The following MAP4K5 variants were observed in gnomAD, a reference collection of about 807,000 sequenced individuals.
MAP4K5 encodes the protein mitogen-activated protein kinase kinase kinase kinase 5.
In MAP4K5, 82 loss-of-function variants were observed where a neutral mutation model predicts 135.6. The ratio of observed to expected loss-of-function variants is 0.60; its 90% CI spans 0.51 to 0.73. The LOEUF (loss-of-function observed/expected upper bound fraction) is 0.73, where lower values mean the gene tolerates loss of function less well. Ranked by LOEUF, MAP4K5 falls within the 30% of genes least tolerant of loss-of-function variation. The pLI is 0.00. For missense variants in MAP4K5, 907 were observed against 1,010.9 expected (o/e 0.90, Z 1.39); for synonymous variants, 347 against 335.0 (o/e 1.04, Z -0.39).
At chr14:50,481,921 A>G (rs1435187565) in intron 6 of MAP4K5, among the ~76,000 whole-genome samples, 2 of 152,260 alleles carry the variant, frequency 1.3e-5, no homozygotes, top group Non-Finnish European at 2.9e-5. Context: ...CAAGAGAAAT[A>G]GTAAAAGCCC....
intron 1 of MAP4K5, among the ~76,000 whole-genome samples, chr14:50,547,671 T>C (rs934810399): frequency 6.6e-6 from 1 of 152,208 alleles, no homozygotes; most frequent in Non-Finnish European, 1.5e-5. Context: ...TGGAAAATGA[T>C]GGTAGACTAC....
At chr14:50,489,959 T>C (rs1366909299) in intron 3 of MAP4K5, among the ~76,000 whole-genome samples, 1 of 152,002 alleles carries the variant, frequency 6.6e-6, no homozygotes, top group South Asian at 2.1e-4. Flanking sequence ...GTACAGGTTG[T>C]TTTTTTTCTC....
intron 2 of MAP4K5, among the ~76,000 whole-genome samples, chr14:50,513,978 G>A (rs2037981199): frequency 1.3e-5 from 2 of 152,314 alleles, no homozygotes; most frequent in African/African-American, 2.4e-5. Context: ...CAAAGTAGCT[G>A]ATTAATCCAC....
At chr14:50,550,403 T>C (rs1184937566) in intron 1 of MAP4K5, among the ~76,000 whole-genome samples, 5 of 152,236 alleles carry the variant, frequency 3.3e-5, no homozygotes, top group Non-Finnish European at 7.3e-5. Flanking sequence ...TGGCAGCTGG[T>C]AATGTCTTCT....
intron 18 of MAP4K5, among the ~76,000 whole-genome samples, chr14:50,444,362 C>T (rs2036295586): frequency 6.6e-6 from 1 of 152,160 alleles, no homozygotes; most frequent in Non-Finnish European, 1.5e-5. Flanking sequence ...CCTTTAAAAG[C>T]TCACATTTCT....
At chr14:50,476,794 C>G (rs1046219800) in intron 6 of MAP4K5, among the ~76,000 whole-genome samples, 4 of 152,140 alleles carry the variant, frequency 2.6e-5, no homozygotes, top group Non-Finnish European at 4.4e-5. Flanking sequence ...TGATAAAAAT[C>G]AGAAATATTT....
At chr14:50,480,894 A>T (rs1160736838) in intron 6 of MAP4K5, among the ~76,000 whole-genome samples, 2 of 152,198 alleles carry the variant, frequency 1.3e-5, no homozygotes, top group Admixed American at 1.3e-4. Context: ...ATATCTAAGC[A>T]TAGAAAAGGT....
upstream of MAP4K5, among the ~76,000 whole-genome samples, chr14:50,536,988 A>G (rs1401201379): frequency 6.6e-6 from 1 of 152,262 alleles, no homozygotes; most frequent in Non-Finnish European, 1.5e-5. Context: ...AGAAATTTGC[A>G]TAAGTAACGA....
intron 1 of MAP4K5, among the ~76,000 whole-genome samples, chr14:50,551,856 A>G (rs1019079791): frequency 6.6e-6 from 1 of 152,188 alleles, no homozygotes; most frequent in African/African-American, 2.4e-5. Flanking sequence ...TAGATGGGAC[A>G]TACCTCAAAG....
Position 50,428,768 on chromosome 14 carries a change from AACAAGT to A in MAP4K5, c.2234-20_2234-15del. Reference sequence around the variant, plus strand: ...TTTTCACAAATTCTTAAAAAAAAAAAACAAGTCAAGACTGGACATGCAAATCTGCTA... The same window carrying A: ...TTTTCACAAATTCTTAAAAAAAAAAACAAGACTGGACATGCAAATCTGCTA... On this transcript the variant is annotated splice_polypyrimidine_tract_variant and intron_variant, in intron 29 of 32. Transcript: ENST00000682126. The A allele has an allele frequency of 1.5e-6, 2 of 1,327,466 alleles. No individual in the cohort carries two copies. Among genetic ancestry groups the A allele is most frequent in the African/African-American group, 1.5e-5 (1 of 66,278 alleles). The allele number at this position is 1,327,466 out of a possible 1,614,324, so 82.2% of individuals were successfully genotyped here.
chr14:50,541,756 C>T (rs2140146187), intron 2 of MAP4K5, among the ~76,000 whole-genome samples: 1 of 152,016 alleles, frequency 6.6e-6, no homozygotes, highest in South Asian at 2.1e-4. Context: ...CGCGGTGGCT[C>T]ACGCCTGTAA....
intron 2 of MAP4K5, among the ~76,000 whole-genome samples, chr14:50,542,007 A>C (rs1416269332): frequency 3.9e-4 from 1 of 2,580 alleles, no homozygotes; most frequent in Non-Finnish European, 1.1e-3. Flanking sequence ...ATTCCGTCTC[A>C]AAAAAAAAAA....
At chr14:50,461,976 G>T (rs944657344) in intron 13 of MAP4K5, among the ~76,000 whole-genome samples, 1 of 151,460 alleles carries the variant, frequency 6.6e-6, no homozygotes, top group African/African-American at 2.4e-5. Flanking sequence ...GAGAAGGCAA[G>T]CACAGTTATG....
intron 2 of MAP4K5, among the ~76,000 whole-genome samples, chr14:50,510,438 TTAAG>T (rs2037907476): frequency 6.6e-6 from 1 of 152,186 alleles, no homozygotes; most frequent in South Asian, 2.1e-4. Flanking sequence ...TAAGGCTGGA[TTAAG>T]TGTGTTGTCA....
intron 28 of MAP4K5, among the ~76,000 whole-genome samples, chr14:50,430,564 A>G (rs2035947271): frequency 1.3e-5 from 2 of 152,230 alleles, no homozygotes; most frequent in African/African-American, 2.4e-5. Context: ...CTCAACTTCA[A>G]TGTGCCCTTT....
upstream of MAP4K5, among the ~76,000 whole-genome samples, chr14:50,535,087 T>G (rs1378077205): frequency 6.6e-6 from 1 of 152,226 alleles, no homozygotes; most frequent in Non-Finnish European, 1.5e-5. Context: ...TCATGCATTC[T>G]TAGTATCTTC....
chr14:50,529,594 C>T (rs1280143160), intron 2 of MAP4K5, among the ~76,000 whole-genome samples: 2 of 151,710 alleles, frequency 1.3e-5, no homozygotes, highest in Non-Finnish European at 2.9e-5. Context: ...AAAATCCCTG[C>T]CATCATGGAG....
In MAP4K5 at chr14:50,419,455, C is replaced by T. The variant is rs1236363024; in HGVS notation, c.*564G>A. 1 of 152,604 alleles carries T rather than the reference C, an allele frequency of 6.6e-6. No homozygotes were observed. Among genetic ancestry groups the T allele is most frequent in the Admixed American group, 6.6e-5 (1 of 15,266 alleles). The allele number at this position is 152,604 out of a possible 1,614,324, so 9.5% of individuals were successfully genotyped here. A position where few individuals can be genotyped will look rare whatever the true frequency, so the allele number is the denominator to read the frequency against. On this transcript the variant is annotated 3_prime_UTR_variant, in exon 33 of 33. Transcript: ENST00000682126. The stretch of plus-strand genomic sequence containing the variant: ...CTACTCTTAAAAGATAAACAAAATT[C>T]TTATACATTATAAAAAAAATTTAAG...
At chr14:50,495,807 G>A (rs2037579290) in intron 3 of MAP4K5, among the ~76,000 whole-genome samples, 1 of 152,194 alleles carries the variant, frequency 6.6e-6, no homozygotes, top group Non-Finnish European at 1.5e-5. Flanking sequence ...AGCCTAGTCA[G>A]AAAAGGACAA....
Sources: allele counts gnomAD v4.1 joint callset (sites outside exome capture counted in the v4.1 genomes callset), GRCh38; gene constraint gnomAD v4.1.1; transcripts MANE v1.5; gene names NCBI Gene and HGNC (gene_info 2026-07-23, HGNC 2026-07-21).